NUBPL: variants seen among roughly 807,000 people sequenced by gnomAD.
The protein encoded by NUBPL is iron-sulfur cluster transfer protein NUBPL.
A neutral mutation model predicts 45.7 loss-of-function variants in NUBPL; 31 were observed. That is an observed-to-expected ratio of 0.68 (90% CI 0.51 to 0.92). NUBPL has a LOEUF of 0.92. Ranked by LOEUF, NUBPL falls within the 40% of genes least tolerant of loss-of-function variation. The probability of loss-of-function intolerance (pLI) is 0.00; values close to 1 mark genes in which losing one functional copy is unlikely to be tolerated. For synonymous variants in NUBPL, 144 were observed against 140.9 expected, an observed-to-expected ratio of 1.02 and a Z score of -0.15; for missense variants, 401 against 398.7, an observed-to-expected ratio of 1.01 and a Z score of -0.05.
intron 8 of NUBPL, 114 bp from the exon 9 acceptor site, chr14:31,846,357 G>T: frequency 2.5e-6 from 2 of 812,054 alleles, no homozygotes; most frequent in Non-Finnish European, 4.2e-6. Flanking sequence ...TCATCATTGT[G>T]ATAACATTGA....
At chr14:31,667,153 C>T (rs186444388) in intron 4 of NUBPL, among the ~76,000 whole-genome samples, 27 of 152,136 alleles carry the variant, frequency 1.8e-4, no homozygotes, top group Admixed American at 1.4e-3. Context: ...TTTTCCAGCT[C>T]GGTTACATTC....
intron 4 of NUBPL, among the ~76,000 whole-genome samples, chr14:31,601,181 G>C (rs1046532642): frequency 3.3e-4 from 50 of 152,294 alleles, no homozygotes; most frequent in African/African-American, 1.1e-3. Context: ...TTGAAGTCAG[G>C]TAGCGTGATG....
At chr14:31,833,094 G>C (rs141010525) in intron 8 of NUBPL, among the ~76,000 whole-genome samples, 1 of 152,100 alleles carries the variant, frequency 6.6e-6, no homozygotes, top group South Asian at 2.1e-4. Context: ...GGGGCTGGGC[G>C]TGGTGGCTCA....
At chr14:31,703,797 A>G (rs1055744572) in intron 6 of NUBPL, among the ~76,000 whole-genome samples, 1 of 152,212 alleles carries the variant, frequency 6.6e-6, no homozygotes, top group Non-Finnish European at 1.5e-5. Flanking sequence ...CCTGGGCTCA[A>G]TCGCCCAATA....
At chr14:31,769,904 T>G (rs188761307) in intron 6 of NUBPL, among the ~76,000 whole-genome samples, 3 of 152,276 alleles carry the variant, frequency 2.0e-5, no homozygotes, top group Admixed American at 2.0e-4. Context: ...ACAGCTAGTT[T>G]GTGACAAGAA....
intron 4 of NUBPL, among the ~76,000 whole-genome samples, chr14:31,622,898 G>C (rs1319384192): frequency 6.6e-6 from 1 of 152,242 alleles, no homozygotes; most frequent in Non-Finnish European, 1.5e-5. Flanking sequence ...TCCTAGAGGA[G>C]CTATGAGAAG....
At chr14:31,656,594 TA>T (rs1309292604) in intron 4 of NUBPL, among the ~76,000 whole-genome samples, 2 of 151,536 alleles carry the variant, frequency 1.3e-5, no homozygotes, top group East Asian at 1.9e-4. Context: ...GAGAGAGAGA[TA>T]GGGGGATGGG....
At chr14:31,722,615 C>T (rs954276771) in intron 6 of NUBPL, among the ~76,000 whole-genome samples, 3 of 152,068 alleles carry the variant, frequency 2.0e-5, no homozygotes, top group Non-Finnish European at 2.9e-5. Flanking sequence ...TATTTTTTGA[C>T]ATTTTAATGC....
At chr14:31,593,128 A>G (rs577673624) in intron 3 of NUBPL, among the ~76,000 whole-genome samples, 2 of 152,346 alleles carry the variant, frequency 1.3e-5, no homozygotes, top group African/African-American at 4.8e-5. Flanking sequence ...AATTTATATT[A>G]TATTTGGTAT....
At chr14:31,612,205 ATTAATT>A (rs971091319) in intron 4 of NUBPL, among the ~76,000 whole-genome samples, 17 of 152,388 alleles carry the variant, frequency 1.1e-4, no homozygotes, top group African/African-American at 3.6e-4. Context: ...TACTTTGTAC[ATTAATT>A]TTAATGGCAA....
chr14:31,849,182 A>G (rs2040500691), intron 9 of NUBPL, among the ~76,000 whole-genome samples: 1 of 152,356 alleles, frequency 6.6e-6, no homozygotes, highest in Admixed American at 6.5e-5. Flanking sequence ...TAATATTTTT[A>G]TAACATATAC....
intron 6 of NUBPL, among the ~76,000 whole-genome samples, chr14:31,743,687 C>A (rs929794967): frequency 2.0e-5 from 3 of 152,094 alleles, no homozygotes; most frequent in Non-Finnish European, 4.4e-5. Context: ...GCCGGTTGGG[C>A]TCTTAATGCT....
chr14:31,752,911 A>G (rs533783792), intron 6 of NUBPL, among the ~76,000 whole-genome samples: 1 of 152,332 alleles, frequency 6.6e-6, no homozygotes, highest in South Asian at 2.1e-4. Context: ...CTTTCTTCAT[A>G]TGGTGGCAAT....
intron 6 of NUBPL, among the ~76,000 whole-genome samples, chr14:31,702,195 T>C (rs2037355222): frequency 6.6e-6 from 1 of 152,210 alleles, no homozygotes; most frequent in Non-Finnish European, 1.5e-5. Context: ...GAGCCTCTGT[T>C]GTCTTTTCCC....
At chr14:31,642,239 C>A (rs144522954) in intron 4 of NUBPL, among the ~76,000 whole-genome samples, 54 of 152,224 alleles carry the variant, frequency 3.5e-4, no homozygotes, top group African/African-American at 1.2e-3. Context: ...TGAGTTCTTA[C>A]ATTTAAAGAT....
chr14:31,790,052 C>T (rs1479930585), intron 7 of NUBPL, among the ~76,000 whole-genome samples: 1 of 152,104 alleles, frequency 6.6e-6, no homozygotes, highest in East Asian at 1.9e-4. Context: ...ATACAAAATA[C>T]TTGCATTATT....
intron 6 of NUBPL, among the ~76,000 whole-genome samples, chr14:31,698,355 T>C (rs2037258707): frequency 1.3e-5 from 2 of 151,604 alleles, no homozygotes; most frequent in Admixed American, 1.3e-4. Flanking sequence ...TTCATTTTGG[T>C]CTTTTTTTTT....
At chr14:31,838,130 T>G (rs889083151) in intron 8 of NUBPL, among the ~76,000 whole-genome samples, 32 of 152,186 alleles carry the variant, frequency 2.1e-4, no homozygotes, top group Admixed American at 6.5e-4. Flanking sequence ...TTGCTAAAAT[T>G]TATAAAAACT....
chr14:31,813,277 G>T (rs547195124), intron 7 of NUBPL, among the ~76,000 whole-genome samples: 1 of 151,928 alleles, frequency 6.6e-6, no homozygotes, highest in East Asian at 1.9e-4. Context: ...GTGAGCCACC[G>T]TGCCCAGCCA....
Sources: allele counts gnomAD v4.1 joint callset (sites outside exome capture counted in the v4.1 genomes callset), GRCh38; gene constraint gnomAD v4.1.1; transcripts MANE v1.5; gene names NCBI Gene and HGNC (gene_info 2026-07-23, HGNC 2026-07-21).